The following ZC3H12B variants were observed in gnomAD, a reference collection of about 807,000 sequenced individuals.
ZC3H12B encodes the protein probable ribonuclease ZC3H12B.
In ZC3H12B, 7 loss-of-function variants were observed where a neutral mutation model predicts 43.9. The ratio of observed to expected loss-of-function variants is 0.16; its 90% CI spans 0.09 to 0.30. The LOEUF (loss-of-function observed/expected upper bound fraction) is 0.30. Ranked by LOEUF, ZC3H12B falls within the 10% of genes least tolerant of loss-of-function variation. The probability of loss-of-function intolerance (pLI) is 1.00; values close to 1 mark genes in which losing one functional copy is unlikely to be tolerated. For missense variants in ZC3H12B, 475 were observed against 670.2 expected, an observed-to-expected ratio of 0.71 and a Z score of 3.22; for synonymous variants, 222 against 241.7, an observed-to-expected ratio of 0.92 and a Z score of 0.76.
the ZC3H12B span, among the ~76,000 whole-genome samples, chrX:65,121,907 C>T: frequency 9.0e-6 from 1 of 111,562 alleles, no homozygotes. Context: ...CTTATGTAGT[C>T]AGTAGTCATT....
At chrX:65,233,856 G>A in the ZC3H12B span, among the ~76,000 whole-genome samples, 2 of 111,026 alleles carry the variant, frequency 1.8e-5, no homozygotes, top group Non-Finnish European at 3.8e-5. Context: ...AAACAGGGAA[G>A]ACAAAAATAA....
chrX:65,052,938 T>C, the ZC3H12B span, among the ~76,000 whole-genome samples: 1 of 111,873 alleles, frequency 8.9e-6, no homozygotes, highest in East Asian at 2.8e-4. Context: ...CTCACCAGCA[T>C]TTGTTATTGC....
intron 3 of ZC3H12B, among the ~76,000 whole-genome samples, chrX:65,476,838 T>G (rs1332773941): frequency 9.2e-6 from 1 of 108,560 alleles, no homozygotes; most frequent in Non-Finnish European, 1.9e-5. Context: ...TGGAATTTTT[T>G]TTTTTTTTTG....
At chrX:65,200,797 A>G in the ZC3H12B span, among the ~76,000 whole-genome samples, 3 of 109,737 alleles carry the variant, frequency 2.7e-5, no homozygotes, top group African/African-American at 1.0e-4. Context: ...CCATTTTTCA[A>G]TTTTTGTTTT....
the ZC3H12B span, among the ~76,000 whole-genome samples, chrX:65,234,661 C>T: frequency 2.7e-5 from 3 of 112,415 alleles, no homozygotes; most frequent in East Asian, 5.6e-4. Context: ...TTAGAACTGA[C>T]AAAACCAGTA....
chrX:65,263,772 A>G, the ZC3H12B span, among the ~76,000 whole-genome samples: 332 of 111,373 alleles, frequency 3.0e-3, 2 homozygotes, highest in African/African-American at 0.011. Context: ...AAAGAACTTA[A>G]AGTAGATCTA....
the ZC3H12B span, among the ~76,000 whole-genome samples, chrX:65,181,804 G>A: frequency 8.9e-6 from 1 of 111,897 alleles, no homozygotes; most frequent in South Asian, 3.7e-4. Context: ...ACTGTTAGTG[G>A]GAGTGTAAAT....
At chrX:65,320,796 G>A in the ZC3H12B span, among the ~76,000 whole-genome samples, 7 of 112,136 alleles carry the variant, frequency 6.2e-5, no homozygotes, top group Non-Finnish European at 1.1e-4. Context: ...AAGTAATGGG[G>A]AAGGGAGTTT....
At chrX:65,389,162 C>T (rs746606896) in intron 2 of ZC3H12B, among the ~76,000 whole-genome samples, 9 of 112,171 alleles carry the variant, frequency 8.0e-5, no homozygotes, top group Non-Finnish European at 1.5e-4. Flanking sequence ...CTCTTCAAAG[C>T]TGTCAGACAG....
the ZC3H12B span, among the ~76,000 whole-genome samples, chrX:65,192,545 G>C: frequency 4.5e-5 from 5 of 110,826 alleles, no homozygotes; most frequent in Admixed American, 4.8e-4. Context: ...TTTTTTGGTA[G>C]GTTTATTTAG....
At chrX:65,141,977 G>A in the ZC3H12B span, among the ~76,000 whole-genome samples, 2 of 112,109 alleles carry the variant, frequency 1.8e-5, no homozygotes, top group Non-Finnish European at 3.8e-5. Context: ...AAACATGCAC[G>A]TGCAACCAAC....
chrX:65,319,114 A>G, the ZC3H12B span, among the ~76,000 whole-genome samples: 1 of 111,311 alleles, frequency 9.0e-6, no homozygotes, highest in African/African-American at 3.3e-5. Context: ...GTTGTGAAAA[A>G]CCATACAAAG....
chrX:65,357,304 C>T, the ZC3H12B span: 1 of 282,852 alleles, frequency 3.5e-6, no homozygotes, highest in South Asian at 4.4e-5. Flanking sequence ...ACATTTGCTT[C>T]TTGTAGGAAA....
intron 1 of ZC3H12B, among the ~76,000 whole-genome samples, chrX:65,490,018 CAAAGAACTTCCT>C (rs761426190): frequency 8.9e-6 from 1 of 111,955 alleles, no homozygotes; most frequent in African/African-American, 3.2e-5. Context: ...ACCACCTCCA[CAAAGAACTTCCT>C]AATTTTTCTG....
At chrX:65,431,449 G>A (rs2067160608) in intron 3 of ZC3H12B, among the ~76,000 whole-genome samples, 2 of 112,295 alleles carry the variant, frequency 1.8e-5, no homozygotes, top group African/African-American at 6.5e-5. Flanking sequence ...AGTTGGGCTT[G>A]GTGAGTTGCA....
At chrX:65,121,217 A>G in the ZC3H12B span, among the ~76,000 whole-genome samples, 1 of 111,447 alleles carries the variant, frequency 9.0e-6, no homozygotes, top group Non-Finnish European at 1.9e-5. Flanking sequence ...ATAATTTCAG[A>G]AGGAATGGTA....
chrX:65,171,348 A>C, the ZC3H12B span, among the ~76,000 whole-genome samples: 1 of 111,337 alleles, frequency 9.0e-6, no homozygotes, highest in Admixed American at 9.6e-5. Flanking sequence ...CAGAGGCTGC[A>C]GAATAGCAAA....
At chrX:65,221,749 G>T in the ZC3H12B span, among the ~76,000 whole-genome samples, 1 of 110,862 alleles carries the variant, frequency 9.0e-6, no homozygotes, top group African/African-American at 3.3e-5. Context: ...ATTCACAGCT[G>T]AATTCTGTCA....
intron 2 of ZC3H12B, among the ~76,000 whole-genome samples, chrX:65,382,385 T>A (rs1346917402): frequency 2.7e-5 from 3 of 110,798 alleles, no homozygotes; most frequent in Non-Finnish European, 3.8e-5. Flanking sequence ...AGAAAAGGCC[T>A]TTGACAAAAT....
Sources: allele counts gnomAD v4.1 joint callset (sites outside exome capture counted in the v4.1 genomes callset), GRCh38; gene constraint gnomAD v4.1.1; transcripts MANE v1.5; gene names NCBI Gene and HGNC (gene_info 2026-07-23, HGNC 2026-07-21).